Variants in UBE3A observed in about 807,000 individuals in gnomAD.
The protein encoded by UBE3A is ubiquitin protein ligase E3A.
UBE3A carries 6 observed loss-of-function variants against 83.4 expected under a neutral mutation model. The observed-to-expected ratio is 0.07, with a 90% CI of 0.04 to 0.14. The LOEUF (loss-of-function observed/expected upper bound fraction) is 0.14. Ranked by LOEUF, UBE3A falls within the 10% of genes least tolerant of loss-of-function variation. The pLI is 1.00. For missense variants in UBE3A, 456 were observed against 1,036.1 expected, an observed-to-expected ratio of 0.44 and a Z score of 7.69; for synonymous variants, 337 against 355.4, an observed-to-expected ratio of 0.95 and a Z score of 0.58.
At chr15:25,416,541 G>T (rs2090958953) in intron 1 of UBE3A, among the ~76,000 whole-genome samples, 1 of 151,892 alleles carries the variant, frequency 6.6e-6, no homozygotes, top group Non-Finnish European at 1.5e-5. Context: ...GGCTACGCAG[G>T]AGCTGCTGCT....
chr15:25,436,803 C>T (rs1895234827), intron 1 of UBE3A, among the ~76,000 whole-genome samples: 1 of 152,072 alleles, frequency 6.6e-6, no homozygotes, highest in Admixed American at 6.5e-5. Context: ...ACATAAGTAG[C>T]TTATAAATCC....
At chr15:25,399,186 G>A (rs2086478878) in intron 4 of UBE3A, among the ~76,000 whole-genome samples, 2 of 151,862 alleles carry the variant, frequency 1.3e-5, no homozygotes, top group African/African-American at 4.8e-5. Context: ...TTTTTGCCAT[G>A]CAGAAGCTTT....
intron 4 of UBE3A, among the ~76,000 whole-genome samples, chr15:25,377,586 C>T (rs184705377): frequency 3.3e-5 from 5 of 152,236 alleles, no homozygotes; most frequent in African/African-American, 1.2e-4. Flanking sequence ...GAGATAATGT[C>T]ATGTTCTCCC....
At chr15:25,367,199 AT>A (rs1460978438) in intron 6 of UBE3A, among the ~76,000 whole-genome samples, 3 of 102,866 alleles carry the variant, frequency 2.9e-5, no homozygotes, top group African/African-American at 2.4e-4. Context: ...AAATATTTAC[AT>A]ATTTGTAAAT....
At position 25,411,967 on chromosome 15, in the gene UBE3A, T is replaced by G. The variant is rs906438120; in HGVS notation, c.-160A>C. On this transcript the variant is annotated 5_prime_UTR_variant, in exon 2 of 13. Transcript: ENST00000648336. Reference sequence around the variant, plus strand: ...TCTAAAATCAGGCTCTTACAGATTTTTAACCTAAAATATAAAACACCTCAC... The same window carrying G: ...TCTAAAATCAGGCTCTTACAGATTTGTAACCTAAAATATAAAACACCTCAC... 2.6e-5 allele frequency: 4 copies of G among 152,226 alleles called. No individual in the cohort carries two copies. The highest frequency in any genetic ancestry group is 5.9e-5 in the Non-Finnish European group (4 of 68,038). The allele number at this position is 152,226 out of a possible 1,614,324, so 9.4% of individuals were successfully genotyped here. A position where few individuals can be genotyped will look rare whatever the true frequency, so the allele number is the denominator to read the frequency against.
intron 6 of UBE3A, among the ~76,000 whole-genome samples, chr15:25,365,963 T>A (rs562757962): frequency 6.6e-6 from 1 of 152,306 alleles, no homozygotes; most frequent in African/African-American, 2.4e-5. Flanking sequence ...CCATGAGACC[T>A]GGAATCCTGA....
chr15:25,350,716 T>G (rs2077262270), intron 11 of UBE3A, among the ~76,000 whole-genome samples: 1 of 152,170 alleles, frequency 6.6e-6, no homozygotes, highest in South Asian at 2.1e-4. Context: ...AAAAAACACT[T>G]TGCGTATTCA....
intron 11 of UBE3A, among the ~76,000 whole-genome samples, chr15:25,352,366 C>G (rs1002714267): frequency 1.3e-5 from 2 of 152,182 alleles, no homozygotes. Flanking sequence ...CCCAGAGATA[C>G]TGCCGGTTCA....
chr15:25,369,370 G>C (rs1400971711), intron 6 of UBE3A, among the ~76,000 whole-genome samples: 6 of 125,708 alleles, frequency 4.8e-5, no homozygotes, highest in South Asian at 2.5e-4. Flanking sequence ...AAACAAACCA[G>C]TAACAAAAAA....
At chr15:25,405,184 C>T (rs2088189262) in intron 4 of UBE3A, among the ~76,000 whole-genome samples, 1 of 152,060 alleles carries the variant, frequency 6.6e-6, no homozygotes, top group Non-Finnish European at 1.5e-5. Flanking sequence ...ACTCTTTCCT[C>T]AACCTCCCTA....
chr15:25,339,922 C>T, intron 12 of UBE3A, 163 bp downstream of exon 12: 1 of 956,264 alleles, frequency 1.0e-6, no homozygotes, highest in Non-Finnish European at 1.6e-6. Flanking sequence ...AAAGTTTCCT[C>T]ACACAATGAC....
At chr15:25,435,251 C>T (rs1363988361) in intron 1 of UBE3A, among the ~76,000 whole-genome samples, 2 of 152,012 alleles carry the variant, frequency 1.3e-5, no homozygotes, top group Non-Finnish European at 2.9e-5. Context: ...CACACACACA[C>T]ACACACACAA....
At chr15:25,403,156 A>C (rs1431138871) in intron 4 of UBE3A, among the ~76,000 whole-genome samples, 2 of 152,174 alleles carry the variant, frequency 1.3e-5, no homozygotes, top group Non-Finnish European at 2.9e-5. Context: ...CAAATGTGAT[A>C]AAGTCTTTAA....
intron 1 of UBE3A, among the ~76,000 whole-genome samples, chr15:25,430,434 A>G (rs1421452240): frequency 6.7e-6 from 1 of 148,468 alleles, no homozygotes; most frequent in Non-Finnish European, 1.5e-5. Flanking sequence ...TTGACCATTT[A>G]AGAGAGAGAT....
chr15:25,368,427 GT>G (rs1364444481), intron 6 of UBE3A, among the ~76,000 whole-genome samples: 1 of 152,062 alleles, frequency 6.6e-6, no homozygotes, highest in Non-Finnish European at 1.5e-5. Context: ...GAGAAAGAAA[GT>G]TAAGAGTAAA....
Position 25,354,104 on chromosome 15 carries a change from C to T in UBE3A, c.2354+249G>A, listed in dbSNP as rs1166139037. ...AGCATACTCTAACCAGTGAGGAATA[C>T]TAGATAATCCATACGCCAAATGCAG... is the stretch of plus-strand genomic sequence containing the variant. On this transcript the variant is annotated intron_variant, in intron 11 of 12. Transcript: ENST00000648336. The T allele has an allele frequency of 2.7e-5, 15 of 554,212 alleles. No homozygotes were observed. In the East Asian group the frequency reaches 4.4e-4, roughly 16 times the overall value. The allele number at this position is 554,212 out of a possible 1,614,324, so 34.3% of individuals were successfully genotyped here.
intron 2 of UBE3A, chr15:25,409,515 C>T (rs1306132019): frequency 6.5e-6 from 1 of 152,698 alleles, no homozygotes; most frequent in Non-Finnish European, 1.4e-5. Flanking sequence ...AGATAATATA[C>T]TAAGAATTAA....
At chr15:25,352,208 A>C (rs1222919583) in intron 11 of UBE3A, among the ~76,000 whole-genome samples, 1 of 152,172 alleles carries the variant, frequency 6.6e-6, no homozygotes, top group Non-Finnish European at 1.5e-5. Flanking sequence ...ACAAACAAAA[A>C]ATTAACAAAA....
At chr15:25,341,155 C>T (rs1260986921) in intron 11 of UBE3A, among the ~76,000 whole-genome samples, 1 of 151,776 alleles carries the variant, frequency 6.6e-6, no homozygotes. Flanking sequence ...TTGCAAGCTC[C>T]GCCTCCTGGG....
Sources: allele counts gnomAD v4.1 joint callset (sites outside exome capture counted in the v4.1 genomes callset), GRCh38; gene constraint gnomAD v4.1.1; transcripts MANE v1.5; gene names NCBI Gene and HGNC (gene_info 2026-07-23, HGNC 2026-07-21).